TAFA2: variants seen among roughly 807,000 people sequenced by gnomAD.
TAFA2 encodes the protein chemokine-like protein TAFA-2.
In TAFA2, 7 loss-of-function variants were observed where a neutral mutation model predicts 18.8. The observed-to-expected ratio is 0.37, with a 90% CI of 0.21 to 0.70. The LOEUF (loss-of-function observed/expected upper bound fraction) is 0.70, where lower values mean the gene tolerates loss of function less well. Ranked by LOEUF, TAFA2 falls within the 30% of genes least tolerant of loss-of-function variation. The pLI is 0.53. For missense variants in TAFA2, 122 were observed against 158.1 expected, an observed-to-expected ratio of 0.77 and a Z score of 1.23; for synonymous variants, 60 against 54.2, an observed-to-expected ratio of 1.11 and a Z score of -0.47.
intron 4 of TAFA2, among the ~76,000 whole-genome samples, chr12:61,739,482 C>T (rs1868364162): frequency 6.6e-6 from 1 of 151,898 alleles, no homozygotes; most frequent in Non-Finnish European, 1.5e-5. Flanking sequence ...CTTATATAAA[C>T]AATTTTGTTT....
intron 1 of TAFA2, among the ~76,000 whole-genome samples, chr12:61,907,671 G>C (rs2198784): frequency 0.83 from 125,590 of 152,010 alleles, 52,425 homozygotes; most frequent in African/African-American, 0.94. Flanking sequence ...CTTCCAGACC[G>C]CATAATGGTA....
At chr12:62,194,249 T>C (rs2062639349), upstream of TAFA2, among the ~76,000 whole-genome samples, 1 of 152,008 alleles carries the variant, frequency 6.6e-6, no homozygotes, top group African/African-American at 2.4e-5. Flanking sequence ...ACTTGGACTC[T>C]GTACTAGAAA....
rs1292929872 is a variant in TAFA2 at position 61,867,202 on chromosome 12, CA to C, written c.106+117del. ...TGCATTATTACTTAAAGAAAACTGC[CA>C]GGGGGAGAATCTATACCTAGTAAAA... On this transcript the variant is annotated intron_variant, in intron 2 of 4. Transcript: ENST00000416284. 4.4e-5 allele frequency: 29 copies of C among 655,322 alleles called. No homozygotes were observed. In the East Asian group the frequency reaches 7.7e-4, roughly 18 times the overall value. The allele number at this position is 655,322 out of a possible 1,614,324, so 40.6% of individuals were successfully genotyped here.
chr12:61,770,453 A>T (rs992052127), intron 2 of TAFA2, among the ~76,000 whole-genome samples: 1 of 152,142 alleles, frequency 6.6e-6, no homozygotes, highest in African/African-American at 2.4e-5. Flanking sequence ...TCCAAAGCCA[A>T]GACAAAGGAA....
chr12:62,244,486 C>T (rs2062876074), intron 1 of TAFA2, among the ~76,000 whole-genome samples: 1 of 152,090 alleles, frequency 6.6e-6, no homozygotes, highest in Non-Finnish European at 1.5e-5. Context: ...CAATCGTTTA[C>T]TATTTGATTT....
At chr12:61,710,916 TATATTTGAAAA>T (rs1296787336) in intron 4 of TAFA2, among the ~76,000 whole-genome samples, 1 of 46,092 alleles carries the variant, frequency 2.2e-5, no homozygotes, top group Non-Finnish European at 4.7e-5. Context: ...TTGAGTCAAT[TATATTTGAAAA>T]ATTATATTTG....
At chr12:61,816,016 T>C (rs1426878371) in intron 2 of TAFA2, among the ~76,000 whole-genome samples, 1 of 151,206 alleles carries the variant, frequency 6.6e-6, no homozygotes, top group Admixed American at 6.6e-5. Flanking sequence ...AGAGCTATTT[T>C]ATTAATTTTA....
At chr12:62,168,040 C>T (rs2062451850) in intron 1 of TAFA2, among the ~76,000 whole-genome samples, 1 of 152,084 alleles carries the variant, frequency 6.6e-6, no homozygotes, top group Non-Finnish European at 1.5e-5. Context: ...AAAGATTCCA[C>T]TAATATTTAA....
At chr12:61,890,944 G>A (rs1456995436) in intron 1 of TAFA2, among the ~76,000 whole-genome samples, 1 of 152,126 alleles carries the variant, frequency 6.6e-6, no homozygotes, top group East Asian at 1.9e-4. Flanking sequence ...ATCCAAAAAG[G>A]GGTTATATCC....
intron 2 of TAFA2, among the ~76,000 whole-genome samples, chr12:61,787,517 A>T (rs1287482891): frequency 6.6e-6 from 1 of 151,714 alleles, no homozygotes; most frequent in Non-Finnish European, 1.5e-5. Flanking sequence ...GTTGTTAAGG[A>T]ACACAAAATA....
At chr12:61,812,585 T>C (rs1398486544) in intron 2 of TAFA2, among the ~76,000 whole-genome samples, 1 of 150,714 alleles carries the variant, frequency 6.6e-6, no homozygotes, top group Non-Finnish European at 1.5e-5. Flanking sequence ...TTTTTTTTTT[T>C]TGGACACAGA....
At chr12:61,909,615 T>C (rs1157303670) in intron 1 of TAFA2, among the ~76,000 whole-genome samples, 1 of 152,154 alleles carries the variant, frequency 6.6e-6, no homozygotes, top group Non-Finnish European at 1.5e-5. Flanking sequence ...GCGATAGTCA[T>C]GTGGGAAGGA....
intron 1 of TAFA2, among the ~76,000 whole-genome samples, chr12:62,179,032 A>G (rs1440944486): frequency 6.6e-6 from 1 of 152,220 alleles, no homozygotes; most frequent in African/African-American, 2.4e-5. Flanking sequence ...GCCATTTTAC[A>G]ATATCAAAAG....
chr12:62,188,325 C>T lies in TAFA2; in HGVS notation c.-2+2934G>A, dbSNP rs187424800. ...ACAAAACAGCTGCAGAAAAATGTGA[C>T]TTAATGAGGCATCCCTAATAAAATA... is the stretch of plus-strand genomic sequence containing the variant. On this transcript the variant is annotated intron_variant, in intron 1 of 4. Coordinates refer to ENST00000416284, the MANE Select transcript of TAFA2 (RefSeq NM_178539.5). 1.1e-4 allele frequency among the ~76,000 whole-genome samples: 17 copies of T among 152,262 alleles called. 1 individual carries two copies. Among genetic ancestry groups the T allele is most frequent in the Admixed American group, 2.0e-4 (3 of 15,300 alleles).
At chr12:61,994,195 C>A (rs888494605) in intron 1 of TAFA2, among the ~76,000 whole-genome samples, 1 of 152,146 alleles carries the variant, frequency 6.6e-6, no homozygotes, top group African/African-American at 2.4e-5. Flanking sequence ...CCTTCAGAGT[C>A]CATATCTCCA....
At chr12:62,061,621 C>T (rs943183904) in intron 1 of TAFA2, among the ~76,000 whole-genome samples, 11 of 152,140 alleles carry the variant, frequency 7.2e-5, no homozygotes, top group Non-Finnish European at 1.5e-4. Context: ...TTAGTATAAT[C>T]TCCTAATATA....
At chr12:62,245,694 A>G (rs985585955) in intron 1 of TAFA2, among the ~76,000 whole-genome samples, 2 of 147,320 alleles carry the variant, frequency 1.4e-5, no homozygotes, top group South Asian at 2.1e-4. Flanking sequence ...TAAAAATGTA[A>G]TTTTTATATA....
rs151305130 is a variant in TAFA2 at position 61,866,039 on chromosome 12, T to C, written c.106+1281A>G. Among the ~76,000 whole-genome samples the C allele has an allele frequency of 6.0e-3, 918 of 152,336 alleles. 2 individuals carry two copies. The highest frequency in any genetic ancestry group is 1.0e-2 in the Non-Finnish European group (678 of 68,032). On this transcript the variant is annotated intron_variant, in intron 2 of 4. Transcript: ENST00000416284. Reference sequence around the variant, plus strand: ...ACCACAGGGAATGTCCTCCTCATCATCTTTTTAATTTTACACTGATAAAAA... The same window carrying C: ...ACCACAGGGAATGTCCTCCTCATCACCTTTTTAATTTTACACTGATAAAAA...
chr12:62,069,375 T>G (rs527610565), intron 1 of TAFA2, among the ~76,000 whole-genome samples: 19 of 152,310 alleles, frequency 1.2e-4, no homozygotes, highest in African/African-American at 4.6e-4. Context: ...CATCTAATCC[T>G]CTGCCCTATA....
Sources: gnomAD v4.1 joint callset for allele counts (sites outside exome capture counted in the v4.1 genomes callset) on GRCh38, gnomAD v4.1.1 for gene constraint, MANE v1.5 for transcripts, NCBI Gene and HGNC (gene_info 2026-07-23, HGNC 2026-07-21) for gene names.